The following MEIKIN variants were observed in gnomAD, a reference collection of about 807,000 sequenced individuals.
MEIKIN encodes meiosis-specific kinetochore protein.
At chr5:131,917,363 C>G (rs1743866037) in intron 6 of MEIKIN, among the ~76,000 whole-genome samples, 1 of 151,994 alleles carries the variant, frequency 6.6e-6, no homozygotes. Context: ...GTCAGGCGTT[C>G]AAGACCAGCC....
intron 4 of MEIKIN, 58 bp downstream of exon 4, chr5:131,942,577 A>T: frequency 2.5e-6 from 1 of 397,728 alleles, no homozygotes; most frequent in Admixed American, 4.4e-5. Flanking sequence ...ATACAGATGG[A>T]TGCTTATGTT....
chr5:131,925,695 G>A (rs1442343239), intron 5 of MEIKIN, among the ~76,000 whole-genome samples: 1 of 151,892 alleles, frequency 6.6e-6, no homozygotes, highest in African/African-American at 2.4e-5. Flanking sequence ...TTGAGACAGA[G>A]TCTTGCTCTG....
chr5:131,917,005 A>T (rs2149645880), intron 6 of MEIKIN, 80 bp from the exon 7 acceptor site: 1 of 389,918 alleles, frequency 2.6e-6, no homozygotes, highest in East Asian at 3.7e-5. Context: ...TTTTCCCCCA[A>T]GTGCAGTTCA....
chr5:131,893,029 A>G (rs1750960432), intron 8 of MEIKIN, among the ~76,000 whole-genome samples: 1 of 152,150 alleles, frequency 6.6e-6, no homozygotes, highest in Admixed American at 6.5e-5. Flanking sequence ...GCAGAACAGC[A>G]GATATTGGTG....
At chr5:131,860,365 T>C (rs977313392) in intron 9 of MEIKIN, among the ~76,000 whole-genome samples, 28 of 150,558 alleles carry the variant, frequency 1.9e-4, no homozygotes, top group African/African-American at 6.8e-4. Context: ...TCAGATATTA[T>C]TGGTGTATAG....
intron 12 of MEIKIN, among the ~76,000 whole-genome samples, chr5:131,811,155 T>C (rs1772945680): frequency 6.6e-6 from 1 of 152,098 alleles, no homozygotes; most frequent in Admixed American, 6.5e-5. Flanking sequence ...TAAGGGCAGT[T>C]ATCTCTGTAA....
intron 4 of MEIKIN, among the ~76,000 whole-genome samples, chr5:131,936,863 G>C (rs182329362): frequency 6.6e-6 from 1 of 152,054 alleles, no homozygotes; most frequent in Non-Finnish European, 1.5e-5. Flanking sequence ...GAACCACAGC[G>C]CCCGGCCTTG....
intron 9 of MEIKIN, among the ~76,000 whole-genome samples, chr5:131,855,821 A>G (rs1047063945): frequency 6.6e-6 from 1 of 152,206 alleles, no homozygotes; most frequent in Non-Finnish European, 1.5e-5. Flanking sequence ...AAAATCTAGG[A>G]TAGCAAAAGC....
At chr5:131,916,986 A>T in intron 6 of MEIKIN, 61 bp from the exon 7 acceptor site, 1 of 393,488 alleles carries the variant, frequency 2.5e-6, no homozygotes, top group East Asian at 3.6e-5. Flanking sequence ...AATTAGGTAA[A>T]AATGAATATT....
intron 4 of MEIKIN, among the ~76,000 whole-genome samples, chr5:131,937,048 A>G (rs1488233963): frequency 2.0e-5 from 3 of 152,172 alleles, no homozygotes; most frequent in South Asian, 4.1e-4. Context: ...TTTGTCCTCT[A>G]TGCATCCTAC....
intron 9 of MEIKIN, among the ~76,000 whole-genome samples, chr5:131,873,527 T>C (rs1750546983): frequency 6.6e-6 from 1 of 152,166 alleles, no homozygotes; most frequent in Admixed American, 6.5e-5. Context: ...CAAAGAGACT[T>C]AGACTCCCAC....
At chr5:131,875,882 C>A (rs1225765406) in intron 9 of MEIKIN, among the ~76,000 whole-genome samples, 1 of 152,122 alleles carries the variant, frequency 6.6e-6, no homozygotes, top group Non-Finnish European at 1.5e-5. Flanking sequence ...CTGACAAAAA[C>A]AAGCAATGGG....
At chr5:131,887,681 T>C (rs1174045645) in intron 8 of MEIKIN, among the ~76,000 whole-genome samples, 1 of 151,872 alleles carries the variant, frequency 6.6e-6, no homozygotes, top group Admixed American at 6.6e-5. Flanking sequence ...TTTTGTTGGG[T>C]TTTTTTCTTG....
rs371334365 is a variant in MEIKIN at position 131,942,663 on chromosome 5, A to G, written c.321T>C (p.Ser107=). 3.8e-5 allele frequency: 15 copies of G among 398,626 alleles called. No homozygotes were observed. The highest frequency in any genetic ancestry group is 1.8e-4 in the African/African-American group (9 of 48,760). 24.7% of individuals were successfully genotyped at this position (398,626 alleles called of 1,614,324 possible). ...ESVTDDLQVD[S]SSSNSELVSG... is the part of the protein sequence containing the mutation. ...ATACTAGTTCACTATTTGATGAACT[A>G]CTATCAACCTGGAGGTCATCAGTAA... is the stretch of plus-strand genomic sequence containing the variant. The change falls in exon 4 of 13, where the codon AGT becomes AGC. Residue 107 remains serine (S), a synonymous_variant. Transcript: ENST00000442687.
intron 8 of MEIKIN, among the ~76,000 whole-genome samples, chr5:131,888,275 G>A (rs1298660778): frequency 7.1e-6 from 1 of 141,268 alleles, no homozygotes; most frequent in Non-Finnish European, 1.5e-5. Context: ...GATCCCTGAG[G>A]AATCGCCACA....
At chr5:131,919,693 G>A (rs1056392170) in intron 6 of MEIKIN, among the ~76,000 whole-genome samples, 6 of 152,006 alleles carry the variant, frequency 3.9e-5, no homozygotes, top group African/African-American at 1.5e-4. Context: ...AGAAATACAT[G>A]GATATCTCCT....
chr5:131,920,234 T>C (rs1751482429), intron 6 of MEIKIN, among the ~76,000 whole-genome samples: 1 of 151,950 alleles, frequency 6.6e-6, no homozygotes, highest in Non-Finnish European at 1.5e-5. Context: ...AGAATAAATA[T>C]CCATGAGTCT....
chr5:131,877,336 A>G (rs1389842051), intron 9 of MEIKIN, among the ~76,000 whole-genome samples: 1 of 152,124 alleles, frequency 6.6e-6, no homozygotes, highest in African/African-American at 2.4e-5. Flanking sequence ...ATAAAGTCCA[A>G]ATTTTTCCCT....
In MEIKIN at chr5:131,871,076, C is replaced by T. The variant is rs530570484; in HGVS notation, c.774+7902G>A. On this transcript the variant is annotated intron_variant, in intron 9 of 12. Coordinates refer to ENST00000442687, the MANE Select transcript of MEIKIN (RefSeq NM_001303622.2). ...GGTCTACAGCTCCCAGCATGAGCGA[C>T]GCAGAAGACGGGTGATTTCTGCATT... 2.6e-4 allele frequency among the ~76,000 whole-genome samples: 39 copies of T among 152,318 alleles called. 1 individual carries two copies. The highest frequency in any genetic ancestry group is 1.1e-3 in the Admixed American group (17 of 15,310).
Sources: allele counts gnomAD v4.1 joint callset (sites outside exome capture counted in the v4.1 genomes callset), GRCh38; gene constraint gnomAD v4.1.1; transcripts MANE v1.5; gene names NCBI Gene and HGNC (gene_info 2026-07-23, HGNC 2026-07-21).